Variants in PIGK observed in about 807,000 individuals in gnomAD.
The protein encoded by PIGK is GPI-anchor transamidase.
A neutral mutation model predicts 50.6 loss-of-function variants in PIGK; 42 were observed. That is an observed-to-expected ratio of 0.83 (90% CI 0.65 to 1.07). PIGK has a LOEUF of 1.07. Ranked by LOEUF, PIGK falls within the 50% of genes least tolerant of loss-of-function variation. The pLI, the probability that PIGK is intolerant of heterozygous loss-of-function variation, is 0.00. For synonymous variants in PIGK, 151 were observed against 156.0 expected, an observed-to-expected ratio of 0.97 and a Z score of 0.24; for missense variants, 448 against 488.7, an observed-to-expected ratio of 0.92 and a Z score of 0.78.
chr1:77,165,643 C>A (rs1028556076), intron 5 of PIGK, among the ~76,000 whole-genome samples: 1 of 149,956 alleles, frequency 6.7e-6, no homozygotes, highest in Non-Finnish European at 1.5e-5. Context: ...TCAATGACAT[C>A]TTGGAATTCA....
intron 9 of PIGK, among the ~76,000 whole-genome samples, chr1:77,148,118 C>T (rs1485966674): frequency 6.6e-6 from 1 of 151,998 alleles, no homozygotes; most frequent in Non-Finnish European, 1.5e-5. Context: ...TTTTTAAATG[C>T]ATATATACTC....
chr1:77,203,503 C>T (rs893298800), intron 3 of PIGK, among the ~76,000 whole-genome samples: 3 of 149,862 alleles, frequency 2.0e-5, no homozygotes, highest in Non-Finnish European at 3.0e-5. Context: ...CTACAGAGCA[C>T]TTATGAGGGT....
At chr1:77,186,386 C>T (rs926932636) in intron 3 of PIGK, among the ~76,000 whole-genome samples, 1 of 152,216 alleles carries the variant, frequency 6.6e-6, no homozygotes, top group Non-Finnish European at 1.5e-5. Context: ...CCTGGTTGTG[C>T]ACTTTGCATG....
At chr1:77,195,233 G>A in intron 3 of PIGK, 1 of 1,239,898 alleles carries the variant, frequency 8.1e-7, no homozygotes, top group Admixed American at 1.7e-5. Flanking sequence ...TTACTGGCAG[G>A]GCGACCTGCA....
Position 77,092,323 on chromosome 1 carries a change from A to T in PIGK, c.*51T>A. 1 of 767,640 alleles carries T rather than the reference A, an allele frequency of 1.3e-6. No individual in the cohort carries two copies. Among genetic ancestry groups the T allele is most frequent in the Non-Finnish European group, 2.2e-6 (1 of 459,754 alleles). The allele number at this position is 767,640 out of a possible 1,614,324, so 47.6% of individuals were successfully genotyped here. A position where few individuals can be genotyped will look rare whatever the true frequency, so the allele number is the denominator to read the frequency against. ...TTTTTAAAAATATATAATGACATAA[A>T]TTATTATCCAAGTTTGCAGTCCTCC... On this transcript the variant is annotated 3_prime_UTR_variant, in exon 11 of 11. Coordinates refer to ENST00000370812, the MANE Select transcript of PIGK (RefSeq NM_005482.3).
At chr1:77,152,505 T>C (rs1654915391) in intron 9 of PIGK, among the ~76,000 whole-genome samples, 1 of 151,804 alleles carries the variant, frequency 6.6e-6, no homozygotes, top group Admixed American at 6.6e-5. Context: ...AAAAATGAAA[T>C]TACATCAAGC....
At chr1:77,112,443 AG>A (rs1175519245) in intron 10 of PIGK, among the ~76,000 whole-genome samples, 1 of 152,116 alleles carries the variant, frequency 6.6e-6, no homozygotes, top group Non-Finnish European at 1.5e-5. Flanking sequence ...CCCCGTTACC[AG>A]TGATACTTCT....
chr1:77,205,948 A>G (rs1288795206), intron 3 of PIGK, among the ~76,000 whole-genome samples: 6 of 152,154 alleles, frequency 3.9e-5, no homozygotes, highest in Admixed American at 3.9e-4. Flanking sequence ...AATGCCATAT[A>G]CTAGCTCTTC....
chr1:77,204,524 C>T (rs138054443), intron 3 of PIGK, among the ~76,000 whole-genome samples: 7 of 152,200 alleles, frequency 4.6e-5, no homozygotes, highest in African/African-American at 7.2e-5. Flanking sequence ...ACACCCTATT[C>T]GTACACCCCT....
intron 3 of PIGK, among the ~76,000 whole-genome samples, chr1:77,191,721 T>C (rs557976994): frequency 1.9e-4 from 29 of 152,354 alleles, no homozygotes; most frequent in African/African-American, 6.0e-4. Context: ...CTTTTATCAT[T>C]TTCTTAAAAA....
At chr1:77,129,073 A>G (rs1176226437) in intron 9 of PIGK, 3 of 817,734 alleles carry the variant, frequency 3.7e-6, no homozygotes, top group Admixed American at 3.4e-5. Flanking sequence ...AATATTTACT[A>G]TCTAGCTCTT....
rs1171608071 is a variant in PIGK, at chr1:77,154,509, T to G, written c.926A>C (p.Lys309Thr). The G allele has an allele frequency of 6.2e-7, 1 of 1,611,980 alleles. No homozygotes were observed. ...LITDFFGSVR[K>T]VEITTETIKL... is the part of the protein sequence containing the mutation. ...AATAGTCTCTGTTGTAATTTCCACT[T>G]TCCGTACACTTCCAAAGAAATCAGT... The change falls in exon 9 of 11, where the codon AAA (lysine) becomes ACA (threonine). Residue 309 changes from lysine (K) to threonine (T), a missense_variant. Transcript: ENST00000370812.
chr1:77,194,770 G>T (rs1386689731), intron 3 of PIGK: 1 of 354,874 alleles, frequency 2.8e-6, no homozygotes, highest in Non-Finnish European at 5.4e-6. Flanking sequence ...ATCTGCATAT[G>T]TACCTCCTGA....
intron 9 of PIGK, among the ~76,000 whole-genome samples, chr1:77,135,545 T>A (rs1275291318): frequency 6.6e-6 from 1 of 152,042 alleles, no homozygotes; most frequent in African/African-American, 2.4e-5. Context: ...CCTCTTTTTA[T>A]CCTAATGCAG....
chr1:77,101,677 G>C (rs998824879), intron 10 of PIGK, among the ~76,000 whole-genome samples: 4 of 152,136 alleles, frequency 2.6e-5, no homozygotes, highest in African/African-American at 7.2e-5. Context: ...GTATAATCTA[G>C]TTTAGGATTC....
At chr1:77,127,364 A>G (rs1302415849) in intron 9 of PIGK, among the ~76,000 whole-genome samples, 1 of 152,184 alleles carries the variant, frequency 6.6e-6, no homozygotes, top group East Asian at 1.9e-4. Flanking sequence ...AGTAAAGTTT[A>G]TATTCTATAG....
intron 1 of PIGK, among the ~76,000 whole-genome samples, chr1:77,216,636 G>T (rs1360805100): frequency 2.6e-5 from 4 of 151,594 alleles, no homozygotes; most frequent in Admixed American, 6.6e-5. Context: ...TGTGTGTGGG[G>T]GGGTGTGTGT....
intron 9 of PIGK, among the ~76,000 whole-genome samples, chr1:77,124,644 G>A (rs2100530141): frequency 6.6e-6 from 1 of 150,432 alleles, no homozygotes; most frequent in Non-Finnish European, 1.5e-5. Context: ...CACACACGCA[G>A]CAACAAAAGA....
chr1:77,192,064 G>C (rs955872763), intron 3 of PIGK, among the ~76,000 whole-genome samples: 4 of 152,074 alleles, frequency 2.6e-5, no homozygotes, highest in Non-Finnish European at 5.9e-5. Flanking sequence ...GTGCCCAGGA[G>C]GTCCAGGCTG....
Sources: gnomAD v4.1 joint callset for allele counts (sites outside exome capture counted in the v4.1 genomes callset) on GRCh38, gnomAD v4.1.1 for gene constraint, MANE v1.5 for transcripts, NCBI Gene and HGNC (gene_info 2026-07-23, HGNC 2026-07-21) for gene names.